Variants in DPP6 observed in about 807,000 individuals in gnomAD.
DPP6 encodes A-type potassium channel modulatory protein DPP6.
In DPP6, 69 loss-of-function variants were observed where a neutral mutation model predicts 122.6. That is an observed-to-expected ratio of 0.56 (90% CI 0.46 to 0.69). The LOEUF is 0.69. Ranked by LOEUF, DPP6 falls within the 30% of genes least tolerant of loss-of-function variation. DPP6 has a pLI of 0.00. For missense variants in DPP6, 928 were observed against 1,116.9 expected, an observed-to-expected ratio of 0.83 and a Z score of 2.41; for synonymous variants, 418 against 433.1, an observed-to-expected ratio of 0.97 and a Z score of 0.43.
At chr7:154,751,741 C>G (rs1459604118) in intron 8 of DPP6, among the ~76,000 whole-genome samples, 1 of 152,116 alleles carries the variant, frequency 6.6e-6, no homozygotes, top group East Asian at 1.9e-4. Context: ...CCATGTGCTT[C>G]CCTAGAGCAG....
In DPP6 at chr7:154,837,492, C is replaced by T. The variant is rs926606123; in HGVS notation, c.1667-16288C>T. On this transcript the variant is annotated intron_variant, in intron 16 of 25. Transcript: ENST00000377770. ...GCATTTGGGATGGGCTGGAATTGAG[C>T]GCCCAGGAGCCACAGTTCATCCCAC... is the stretch of plus-strand genomic sequence containing the variant. Among the ~76,000 whole-genome samples, 117 of 152,342 alleles carry T rather than the reference C, an allele frequency of 7.7e-4. 1 individual carries two copies. The highest frequency in any genetic ancestry group is 2.7e-3 in the African/African-American group (114 of 41,578).
At chr7:154,748,205 A>T (rs1269072719) in intron 8 of DPP6, among the ~76,000 whole-genome samples, 1 of 152,234 alleles carries the variant, frequency 6.6e-6, no homozygotes, top group African/African-American at 2.4e-5. Flanking sequence ...CACAGGGCAG[A>T]GCTGCAGGGT....
chr7:154,717,584 C>A (rs1403656740), intron 7 of DPP6, among the ~76,000 whole-genome samples: 3 of 152,176 alleles, frequency 2.0e-5, no homozygotes, highest in Non-Finnish European at 2.9e-5. Flanking sequence ...TCATTCTTTT[C>A]TTTGGCTAAA....
intron 1 of DPP6, among the ~76,000 whole-genome samples, chr7:154,232,584 A>G (rs1382895510): frequency 2.6e-5 from 4 of 152,348 alleles, no homozygotes; most frequent in Non-Finnish European, 5.9e-5. Context: ...ATGGAGAACC[A>G]ATGGCCCTGT....
chr7:153,941,012 T>C (rs1008922033), intron 1 of DPP6, among the ~76,000 whole-genome samples: 2 of 152,140 alleles, frequency 1.3e-5, no homozygotes, highest in African/African-American at 4.8e-5. Flanking sequence ...TTGCCTTCAA[T>C]AGATCAGGAA....
At chr7:154,402,939 A>G (rs142372264) in intron 1 of DPP6, among the ~76,000 whole-genome samples, 2 of 152,354 alleles carry the variant, frequency 1.3e-5, no homozygotes, top group East Asian at 3.9e-4. Context: ...GAGAAACTTT[A>G]AAAGCACATA....
chr7:154,580,047 G>A (rs1225346249), intron 5 of DPP6, among the ~76,000 whole-genome samples: 2 of 152,024 alleles, frequency 1.3e-5, no homozygotes, highest in Admixed American at 6.6e-5. Context: ...TTCTGGGCAG[G>A]CTGAGTTTCC....
At chr7:154,766,384 C>A (rs1253899690) in intron 8 of DPP6, among the ~76,000 whole-genome samples, 1 of 152,168 alleles carries the variant, frequency 6.6e-6, no homozygotes, top group Non-Finnish European at 1.5e-5. Context: ...GTGGCAAGAT[C>A]TCGGCTCACC....
chr7:154,232,189 A>G (rs1198420912), intron 1 of DPP6, among the ~76,000 whole-genome samples: 1 of 152,158 alleles, frequency 6.6e-6, no homozygotes, highest in African/African-American at 2.4e-5. Flanking sequence ...AAATCAGGCT[A>G]TCTAACAGGC....
chr7:154,211,605 A>C (rs754190082), intron 1 of DPP6, among the ~76,000 whole-genome samples: 1 of 152,148 alleles, frequency 6.6e-6, no homozygotes, highest in Admixed American at 6.5e-5. Flanking sequence ...ATGCGCATTT[A>C]TGGCTCTCTT....
At chr7:154,220,229 A>G (rs1800226871) in intron 1 of DPP6, among the ~76,000 whole-genome samples, 2 of 152,102 alleles carry the variant, frequency 1.3e-5, no homozygotes, top group Non-Finnish European at 2.9e-5. Flanking sequence ...CCCCTTATAA[A>G]AGGGGCTTCA....
chr7:154,386,625 A>G (rs756438), intron 1 of DPP6, among the ~76,000 whole-genome samples: 95,514 of 151,970 alleles, frequency 0.63, 30,838 homozygotes, highest in East Asian at 0.76. Context: ...AGGATCCAAC[A>G]GGAAGGCAAC....
chr7:153,977,828 G>C (rs1372143596), intron 1 of DPP6, among the ~76,000 whole-genome samples: 5 of 151,752 alleles, frequency 3.3e-5, no homozygotes, highest in Admixed American at 6.6e-5. Flanking sequence ...GTTCCTGTTT[G>C]TTTGCTGAGA....
intron 16 of DPP6, among the ~76,000 whole-genome samples, chr7:154,814,885 T>A (rs1176767206): frequency 6.6e-6 from 1 of 152,232 alleles, no homozygotes. Context: ...CCACTTCTTA[T>A]GTGGATGCCA....
intron 4 of DPP6, among the ~76,000 whole-genome samples, chr7:154,548,461 GA>G (rs1453164936): frequency 2.0e-5 from 3 of 150,812 alleles, no homozygotes; most frequent in African/African-American, 7.4e-5. Flanking sequence ...CCAGGAGGCA[GA>G]GGGTACAGTG....
intron 2 of DPP6, among the ~76,000 whole-genome samples, chr7:154,448,678 G>T (rs1294822994): frequency 6.6e-6 from 1 of 152,106 alleles, no homozygotes; most frequent in Non-Finnish European, 1.5e-5. Flanking sequence ...TTACTGTAAA[G>T]CTACAGAAAT....
chr7:154,835,836 A>G (rs1413030376), intron 16 of DPP6, among the ~76,000 whole-genome samples: 1 of 152,240 alleles, frequency 6.6e-6, no homozygotes, highest in African/African-American at 2.4e-5. Context: ...CTTATGATTA[A>G]TAAATCAGTG....
intron 1 of DPP6, among the ~76,000 whole-genome samples, chr7:154,195,351 CA>C (rs910640327): frequency 1.3e-5 from 2 of 152,094 alleles, no homozygotes; most frequent in African/African-American, 4.8e-5. Context: ...TCCAGGAGCC[CA>C]CCTGGAGGAA....
At chr7:154,065,606 C>T (rs1344030609) in intron 1 of DPP6, among the ~76,000 whole-genome samples, 10 of 151,852 alleles carry the variant, frequency 6.6e-5, no homozygotes, top group East Asian at 1.9e-4. Flanking sequence ...CCCCCGCCCC[C>T]GAGAGCAGAA....
Sources: allele counts gnomAD v4.1 joint callset (sites outside exome capture counted in the v4.1 genomes callset), GRCh38; gene constraint gnomAD v4.1.1; transcripts MANE v1.5; gene names NCBI Gene and HGNC (gene_info 2026-07-23, HGNC 2026-07-21).